Variants in DCLK3 observed in about 807,000 individuals in gnomAD.
DCLK3 encodes doublecortin like kinase 3.
In DCLK3, 30 loss-of-function variants were observed where a neutral mutation model predicts 46.4. The observed-to-expected ratio is 0.65, with a 90% CI of 0.48 to 0.88. DCLK3 has a LOEUF of 0.88. Ranked by LOEUF, DCLK3 falls within the 40% of genes least tolerant of loss-of-function variation. The pLI, the probability that DCLK3 is intolerant of heterozygous loss-of-function variation, is 0.00. For missense variants in DCLK3, 846 were observed against 907.1 expected (o/e 0.93, Z 0.87); for synonymous variants, 401 against 339.2 (o/e 1.18, Z -2.00).
In DCLK3 at chr3:36,738,180, C is replaced by T. The variant is rs1445201607; in HGVS notation, c.987G>A (p.Gly329=). ...CCTTCCCCATATCCAGCTCACTGGT[C>T]CCCAGAGAAAGCCTCTCACGCTCCA... is the stretch of plus-strand genomic sequence containing the variant. The part of the protein sequence containing the change: ...QSLERERLSL[G]TSELDMGKGP... Residue 329 remains glycine, a synonymous_variant, in exon 2 of 5, where the codon GGG becomes GGA. Transcript: ENST00000636136. 5.6e-6 allele frequency: 9 copies of T among 1,613,924 alleles called. No individual in the cohort carries two copies. Among genetic ancestry groups the T allele is most frequent in the Non-Finnish European group, 5.9e-6 (7 of 1,179,956 alleles).
rs1438913563 is a variant in DCLK3 at position 36,737,252 on chromosome 3, C to T, written c.1915G>A (p.Asp639Asn). The change falls in exon 2 of 5, where the codon GAC becomes AAC. Residue 639 changes from aspartate (D) to asparagine (N), a missense_variant. Asp to Asn is a conservative substitution (Grantham distance 23). Transcript: ENST00000636136. This position sits in a 1 kb window ranked among gnomAD's most constrained non-coding sequence, Gnocchi z 4.4. ...AGGTCCCGGTGGACAATGCTCTTGT[C>T]GTGCATGTGGACGAGGGCTTTGCAT... ...DLCKALVHMH[D>N]KSIVHRDLKP... 10 of 1,613,958 alleles carry T rather than the reference C, an allele frequency of 6.2e-6. No individual in the cohort carries two copies. The highest frequency in any genetic ancestry group is 8.5e-6 in the Non-Finnish European group (10 of 1,180,006).
At chr3:36,763,598 T>C (rs1701557817) in intron 1 of DCLK3, among the ~76,000 whole-genome samples, 1 of 152,234 alleles carries the variant, frequency 6.6e-6, no homozygotes, top group Non-Finnish European at 1.5e-5. Flanking sequence ...TTTCTTGTCA[T>C]TTAGATGGGT....
intron 2 of DCLK3, among the ~76,000 whole-genome samples, chr3:36,731,518 A>G (rs891911110): frequency 3.9e-5 from 6 of 151,916 alleles, no homozygotes; most frequent in African/African-American, 7.3e-5. Context: ...TGTCTACAGT[A>G]TTCCACCTTC....
Position 36,738,603 on chromosome 3 carries a change from G to T in DCLK3, c.564C>A (p.Tyr188Ter). 1 of 1,384,616 alleles carries T rather than the reference G, an allele frequency of 7.2e-7. No individual in the cohort carries two copies. Among genetic ancestry groups the T allele is most frequent in the Non-Finnish European group, 9.4e-7 (1 of 1,064,418 alleles). The allele number at this position is 1,384,616 out of a possible 1,614,324, so 85.8% of individuals were successfully genotyped here. ...KSIQVAVEEL[Y>*]PNKARALTLA... Reference sequence around the variant, plus strand: ...GTGTCAGGGCCCGGGCTTTGTTGGGGTACAGTTCTTCTACAGCCACCTGAA... The same window carrying T: ...GTGTCAGGGCCCGGGCTTTGTTGGGTTACAGTTCTTCTACAGCCACCTGAA... The change falls in exon 2 of 5, where the codon TAC becomes TAA. Residue 188 changes from tyrosine (Y) to a stop codon, truncating the protein, a stop_gained. Transcript: ENST00000636136. LOFTEE classifies it high-confidence loss of function.
At position 36,737,433 on chromosome 3, in the gene DCLK3, G is replaced by C. The variant is rs1310242100; in HGVS notation, c.1734C>G (p.Leu578=). Residue 578 remains leucine (L), a synonymous_variant, in exon 2 of 5, where the codon CTC becomes CTG. Transcript: ENST00000636136. This position sits in a 1 kb window ranked among gnomAD's most constrained non-coding sequence, Gnocchi z 4.4. ...VDSEILIIQS[L]SHPNIVKLHE... ...GCAATTTCACGATGTTGGGGTGAGA[G>C]AGGCTCTGGATGATCAAGATCTCAC... The C allele has an allele frequency of 1.9e-6, 3 of 1,614,104 alleles. No homozygotes were observed. Among genetic ancestry groups the C allele is most frequent in the Non-Finnish European group, 2.5e-6 (3 of 1,180,050 alleles).
intron 1 of DCLK3, among the ~76,000 whole-genome samples, chr3:36,751,588 T>C (rs1324388037): frequency 1.3e-5 from 2 of 152,244 alleles, no homozygotes; most frequent in Admixed American, 1.3e-4. Flanking sequence ...CAGACACAAA[T>C]GTTTCAACAC....
chr3:36,740,108 A>G (rs1701328227), intron 1 of DCLK3, among the ~76,000 whole-genome samples: 1 of 151,708 alleles, frequency 6.6e-6, no homozygotes, highest in Non-Finnish European at 1.5e-5. Context: ...AACCTGGACA[A>G]ATTATTTGCA....
chr3:36,756,003 C>T (rs1701481721), intron 1 of DCLK3, among the ~76,000 whole-genome samples: 1 of 152,134 alleles, frequency 6.6e-6, no homozygotes, highest in African/African-American at 2.4e-5. Context: ...AGTCCAGTGG[C>T]CAGAGCTGGT....
At chr3:36,720,111 G>C (rs1349771403) in intron 3 of DCLK3, among the ~76,000 whole-genome samples, 1 of 152,206 alleles carries the variant, frequency 6.6e-6, no homozygotes, top group Non-Finnish European at 1.5e-5. Context: ...CTTCATGAAT[G>C]GTTTAGTACC....
At chr3:36,735,398 A>T (rs986114885) in intron 2 of DCLK3, among the ~76,000 whole-genome samples, 2 of 152,248 alleles carry the variant, frequency 1.3e-5, no homozygotes, top group Admixed American at 6.5e-5. Context: ...TCATCCAACC[A>T]GTCAAACTGC....
rs1700948924 is a variant in DCLK3, at chr3:36,714,412, A to G, written c.*916T>C. 6.6e-6 allele frequency: 1 copy of G among 152,220 alleles called. No homozygotes were observed. The highest frequency in any genetic ancestry group is 2.1e-4 in the South Asian group (1 of 4,830). 9.4% of individuals were successfully genotyped at this position (152,220 alleles called of 1,614,324 possible). A position where few individuals can be genotyped will look rare whatever the true frequency, so the allele number is the denominator to read the frequency against. On this transcript the variant is annotated 3_prime_UTR_variant, in exon 5 of 5. Transcript: ENST00000636136. ...CACAGACTCCCAGAATCATCTGCAA[A>G]GACCAATATTTCAGCACAGAAATCT...
chr3:36,759,187 TCAGA>T (rs1241363999), intron 1 of DCLK3, among the ~76,000 whole-genome samples: 4 of 152,238 alleles, frequency 2.6e-5, no homozygotes, highest in Admixed American at 2.6e-4. Flanking sequence ...AACTGTGGCC[TCAGA>T]ATGAGGCTTA....
At chr3:36,730,207 C>CACACAG in intron 2 of DCLK3, among the ~76,000 whole-genome samples, 1 of 151,202 alleles carries the variant, frequency 6.6e-6, no homozygotes, top group Middle Eastern at 3.2e-3. Context: ...CACACACACA[C>CACACAG]ACACACACAC....
chr3:36,718,313 A>T lies in DCLK3; in HGVS notation c.2093-136T>A, dbSNP rs79431295. The T allele has an allele frequency of 4.1e-4, 463 of 1,135,638 alleles. 3 individuals are homozygous for T. In the East Asian group the frequency reaches 7.6e-3, roughly 19 times the overall value. 70.3% of individuals were successfully genotyped at this position (1,135,638 alleles called of 1,614,324 possible). A position where few individuals can be genotyped will look rare whatever the true frequency, so the allele number is the denominator to read the frequency against. On this transcript the variant is annotated intron_variant, in intron 3 of 4. Coordinates refer to ENST00000636136, the MANE Select transcript of DCLK3 (RefSeq NM_001394672.2). The stretch of plus-strand genomic sequence containing the variant: ...TCCCAGCTCTCAGCAACCAAGAGCC[A>T]CTTCCAAACACAGCTCCCTGCTAAC...
At chr3:36,754,007 T>C (rs769638247) in intron 1 of DCLK3, among the ~76,000 whole-genome samples, 1 of 152,206 alleles carries the variant, frequency 6.6e-6, no homozygotes, top group Non-Finnish European at 1.5e-5. Context: ...TATGAGTATG[T>C]ATTCCTGTCT....
At chr3:36,729,585 A>G (rs190398908) in intron 2 of DCLK3, 34 of 152,212 alleles carry the variant, frequency 2.2e-4, no homozygotes, top group African/African-American at 7.7e-4. Flanking sequence ...TGAACAATTA[A>G]CTCTGCTCTC....
intron 1 of DCLK3, among the ~76,000 whole-genome samples, chr3:36,743,374 G>A (rs1216121283): frequency 2.0e-5 from 3 of 151,706 alleles, no homozygotes. Flanking sequence ...TTTGGATAAG[G>A]GAGACTCACT....
chr3:36,759,978 G>A lies in DCLK3; in HGVS notation c.82+4204C>T, dbSNP rs1174468588. On this transcript the variant is annotated intron_variant, in intron 1 of 4. Coordinates refer to ENST00000636136, the MANE Select transcript of DCLK3 (RefSeq NM_001394672.2). ...TGGCAGGGGCAGTGATGGGCCAATG[G>A]CTTATTCATCTCTACATCCTCAGGG... 5.3e-5 allele frequency among the ~76,000 whole-genome samples: 8 copies of A among 152,198 alleles called. No individual in the cohort carries two copies. The East Asian group carries it at 1.5e-3, about 29-fold the overall frequency.
intron 4 of DCLK3, 115 bp downstream of exon 4, chr3:36,717,895 A>G: frequency 7.4e-7 from 1 of 1,349,626 alleles, no homozygotes; most frequent in Middle Eastern, 2.1e-4. Context: ...GTAAAGGCTG[A>G]GACATGACAT....
Sources: allele counts gnomAD v4.1 joint callset (sites outside exome capture counted in the v4.1 genomes callset), GRCh38; gene constraint gnomAD v4.1.1; non-coding constraint Gnocchi (gnomAD v3.1); transcripts MANE v1.5; gene names NCBI Gene and HGNC (gene_info 2026-07-23, HGNC 2026-07-21).